The following SEMA6C variants were observed in gnomAD, a reference collection of about 807,000 sequenced individuals.
The protein encoded by SEMA6C is semaphorin-6C.
In SEMA6C, 37 loss-of-function variants were observed where a neutral mutation model predicts 72.9. The ratio of observed to expected loss-of-function variants is 0.51; its 90% confidence interval spans 0.39 to 0.67. SEMA6C has a LOEUF of 0.67. SEMA6C is among the 30% of genes least tolerant of loss of function. The pLI is 0.00. For synonymous variants in SEMA6C, 578 were observed against 554.1 expected, an observed-to-expected ratio of 1.04 and a Z score of -0.61; for missense variants, 1,189 against 1,263.6, an observed-to-expected ratio of 0.94 and a Z score of 0.89.
chr1:151,134,060 TG>T (rs973437460), intron 18 of SEMA6C: 101 of 1,506,450 alleles, frequency 6.7e-5, no homozygotes, highest in Non-Finnish European at 8.3e-5. Context: ...GAAGCACTGG[TG>T]GCAGAGACCA....
At position 151,138,009 on chromosome 1, in the gene SEMA6C, TTGGCGGAG is replaced by T. The variant is rs748283644; in HGVS notation, c.636_643del (p.Ser213ValfsTer2). ...ACCTCGGAGCCACTTGGAGTCATAC[TTGGCGGAG>T]CGGAGTGGGGGCTGGGGCCCAAGGC... is the stretch of plus-strand genomic sequence containing the variant. On this transcript the variant is annotated frameshift_variant, in exon 9 of 19. Transcript: ENST00000368914. LOFTEE classifies it high-confidence loss of function. 1.2e-6 allele frequency: 2 copies of T among 1,614,134 alleles called. No homozygotes were observed. The highest frequency in any genetic ancestry group is 4.5e-5 in the East Asian group (2 of 44,876).
At position 151,138,103 on chromosome 1, in the gene SEMA6C, C is replaced by T. The variant is rs1682214406; in HGVS notation, c.550G>A (p.Gly184Ser). ...TQSNVAIFAEGSLYSATAADF... is the reference protein window; with the variant it reads ...TQSNVAIFAESSLYSATAADF... ...GCAGCTGTGGCTGAGTACAGGCTGC[C>T]CTCTGGAGGGATGGGTGGAGTGGGG... The change falls in exon 9 of 19, where the codon GGC becomes AGC. Residue 184 changes from glycine (G) to serine (S), a missense_variant and splice_region_variant. By Grantham distance (56) the Gly-to-Ser change is moderately conservative. Transcript: ENST00000368914. 6.2e-7 allele frequency: 1 copy of T among 1,613,890 alleles called. No individual in the cohort carries two copies. The highest frequency in any genetic ancestry group is 1.3e-5 in the African/African-American group (1 of 75,040).
In SEMA6C at chr1:151,138,066, G is replaced by A; in HGVS notation, c.587C>T (p.Ala196Val). 3 of 1,614,182 alleles carry A rather than the reference G, an allele frequency of 1.9e-6. No individual in the cohort carries two copies. The highest frequency in any genetic ancestry group is 2.5e-6 in the Non-Finnish European group (3 of 1,180,028). Residue 196 changes from alanine to valine, a missense_variant, in exon 9 of 19, where the codon GCC becomes GTC. By Grantham distance (64) the Ala-to-Val change is moderately conservative. Coordinates refer to ENST00000368914, the MANE Select transcript of SEMA6C (RefSeq NM_030913.6). ...GCTTCTGTAAACTACAGCATCACTG[G>A]CCTGGAAATCCGCAGCTGTGGCTGA... ...LYSATAADFQ[A>V]SDAVVYRSLG...
rs1255121242 is a variant in SEMA6C at position 151,134,417 on chromosome 1, A to C, written c.1743T>G (p.Pro581=). ...QDGATGSQSG[P]GDSAYGVRRD... ...AGGACTCACCATAAGCAGAATCCCC[A>C]GGGCCAGACTGACTCCCAGTAGCTC... The change falls in exon 18 of 19, where the codon CCT becomes CCG. Residue 581 remains proline (P), a synonymous_variant. Coordinates refer to ENST00000368914, the MANE Select transcript of SEMA6C (RefSeq NM_030913.6). The C allele has an allele frequency of 1.3e-6, 2 of 1,594,688 alleles. No individual in the cohort carries two copies. Among genetic ancestry groups the C allele is most frequent in the Non-Finnish European group, 8.5e-7 (1 of 1,170,288 alleles).
intron 5 of SEMA6C, 59 bp from the exon 6 acceptor site, chr1:151,139,540 T>TG: frequency 1.9e-6 from 3 of 1,603,230 alleles, no homozygotes; most frequent in Non-Finnish European, 1.7e-6. Flanking sequence ...CCTCACATTA[T>TG]GGCTCCTTTT....
At chr1:151,137,318 C>CA (rs1380375544) in intron 10 of SEMA6C, among the ~76,000 whole-genome samples, 5 of 151,976 alleles carry the variant, frequency 3.3e-5, no homozygotes, top group African/African-American at 1.2e-4. Flanking sequence ...TGGTGGTGGG[C>CA]ACCTGTAGTC....
chr1:151,132,134 C>T lies in SEMA6C; in HGVS notation c.*350G>A, dbSNP rs1681578466. On this transcript the variant is annotated 3_prime_UTR_variant, in exon 19 of 19. Transcript: ENST00000368914. ...GTCCCAGACCCAGAAGGCCCGAGGA[C>T]TCTGGACACAGCGCGCGCGGCCCGC... 8.0e-7 allele frequency: 1 copy of T among 1,246,028 alleles called. No individual in the cohort carries two copies. The highest frequency in any genetic ancestry group is 1.5e-5 in the African/African-American group (1 of 65,648). 77.2% of individuals were successfully genotyped at this position (1,246,028 alleles called of 1,614,324 possible).
rs1681733076 is a variant in SEMA6C, at chr1:151,133,329, A to G, written c.1948T>C (p.Ser650Pro). The G allele has an allele frequency of 6.3e-7, 1 of 1,594,308 alleles. No homozygotes were observed. Among genetic ancestry groups the G allele is most frequent in the Non-Finnish European group, 8.5e-7 (1 of 1,173,224 alleles). Residue 650 changes from serine (S) to proline (P), a missense_variant, in exon 19 of 19, where the codon TCC (serine) becomes CCC (proline). Physicochemically the swap from Ser to Pro is moderately conservative, Grantham distance 74 (BLOSUM62 -1). This residue lies in a region of SEMA6C where 721 missense variants were observed against 686.2 expected (regional missense o/e 1.05). Coordinates refer to ENST00000368914, the MANE Select transcript of SEMA6C (RefSeq NM_030913.6). This position sits in a 1 kb window ranked among gnomAD's most constrained non-coding sequence, Gnocchi z 5.9. ...TGGAGCCGGGCCAAACTGCGGAGGG[A>G]GAGAGGGCGCGGGAGCCCCGGAGTC... ...IETPGLPRPL[S>P]LRSLARLHGG...
chr1:151,142,606 G>A lies in SEMA6C; in HGVS notation c.16C>T (p.His6Tyr). 6.3e-7 allele frequency: 1 copy of A among 1,586,398 alleles called. No individual in the cohort carries two copies. The highest frequency in any genetic ancestry group is 8.6e-7 in the Non-Finnish European group (1 of 1,166,492). MPRAP[H>Y]FMPLLLLLLL... ...AGCAGTAGCAGCAAGGGCATGAAGTGGGGGGCACGGGGCATCCTGTGCGGG... is the reference window on the plus strand; with the variant it reads ...AGCAGTAGCAGCAAGGGCATGAAGTAGGGGGCACGGGGCATCCTGTGCGGG... The change falls in exon 3 of 19, where the codon CAC (histidine) becomes TAC (tyrosine). Residue 6 changes from histidine to tyrosine, a missense_variant. His to Tyr is a moderately conservative substitution (Grantham distance 83). Transcript: ENST00000368914.
rs1364352883 is a variant in SEMA6C, at chr1:151,133,405, C to T, written c.1872G>A (p.Leu624=). 3.4e-5 allele frequency: 55 copies of T among 1,596,110 alleles called. No individual in the cohort carries two copies. The highest frequency in any genetic ancestry group is 4.6e-5 in the Non-Finnish European group (54 of 1,174,324). The change falls in exon 19 of 19, where the codon CTG becomes CTA. Residue 624 remains leucine (L), a synonymous_variant. Transcript: ENST00000368914. The surrounding 1 kb of genome is among the most constrained non-coding windows in gnomAD (Gnocchi z 5.9). ...GGGCGCGGCGACAAGCACAGGAGACCAGGAGGCCAGAGACTGAGGCGCCCA... is the reference window on the plus strand; with the variant it reads ...GGGCGCGGCGACAAGCACAGGAGACTAGGAGGCCAGAGACTGAGGCGCCCA... The part of the protein sequence containing the change: ...FALGASVSGL[L]VSCACRRAHR...
Position 151,133,183 on chromosome 1 carries a change from C to T in SEMA6C, c.2094G>A (p.Leu698=). 6.4e-7 allele frequency: 1 copy of T among 1,561,020 alleles called. No homozygotes were observed. ...GCTCCGGCGTGGACTCGGGGGTGGG[C>T]AGGCAGGCCAGCTCCGGCGGGGGCA... ...EGVPPPELAC[L]PTPESTPELP... is the part of the protein sequence containing the mutation. The change falls in exon 19 of 19, where the codon CTG becomes CTA. Residue 698 remains leucine (L), a synonymous_variant. Coordinates refer to ENST00000368914, the MANE Select transcript of SEMA6C (RefSeq NM_030913.6). This position sits in a 1 kb window ranked among gnomAD's most constrained non-coding sequence, Gnocchi z 5.9.
Position 151,136,141 on chromosome 1 carries a change from C to G in SEMA6C, c.1129G>C (p.Gly377Arg). The change falls in exon 13 of 19, where the codon GGG becomes CGG. Residue 377 changes from glycine to arginine, a missense_variant. Physicochemically the swap from Gly to Arg is moderately radical, Grantham distance 125 (BLOSUM62 -2). This residue lies in a region of SEMA6C where 468 missense variants were observed against 577.4 expected (regional missense o/e 0.81). Transcript: ENST00000368914. ...GAAGAGGAGAACAAGGCAGCTCCCCCTACTCCTGCACAGGATCCTGGCCTG... is the reference window on the plus strand; with the variant it reads ...GAAGAGGAGAACAAGGCAGCTCCCCGTACTCCTGCACAGGATCCTGGCCTG... Reference protein sequence around the residue: ...SPRPGSCAGVGGAALFSSSRD... With the variant: ...SPRPGSCAGVRGAALFSSSRD... 1.9e-6 allele frequency: 3 copies of G among 1,613,924 alleles called. No homozygotes were observed. Among genetic ancestry groups the G allele is most frequent in the South Asian group, 1.1e-5 (1 of 91,074 alleles).
rs368178900 is a variant in SEMA6C at position 151,137,703 on chromosome 1, C to T, written c.756+8G>A. On this transcript the variant is annotated splice_region_variant and intron_variant, in intron 10 of 18. Coordinates refer to ENST00000368914, the MANE Select transcript of SEMA6C (RefSeq NM_030913.6). Reference sequence around the variant, plus strand: ...TCCAGCTACCCACCCTGATGCCCACCTCCTTACCCTCCCCAGCCGAGCATC... The same window carrying T: ...TCCAGCTACCCACCCTGATGCCCACTTCCTTACCCTCCCCAGCCGAGCATC... The T allele has an allele frequency of 3.7e-6, 6 of 1,608,644 alleles. No homozygotes were observed. The highest frequency in any genetic ancestry group is 2.7e-5 in the African/African-American group (2 of 74,814).
rs11809979 is a variant in SEMA6C, at chr1:151,138,297, C to T, written c.547+19G>A. 5 of 1,612,476 alleles carry T rather than the reference C, an allele frequency of 3.1e-6. 1 individual carries two copies. The highest frequency in any genetic ancestry group is 3.3e-4 in the Middle Eastern group (2 of 6,060). Reference sequence around the variant, plus strand: ...TCCCTCCAGCCACATGCTTTCTTCTCACATGCCCAGTTGCACACCTGCAAA... The same window carrying T: ...TCCCTCCAGCCACATGCTTTCTTCTTACATGCCCAGTTGCACACCTGCAAA... On this transcript the variant is annotated intron_variant, in intron 8 of 18. Transcript: ENST00000368914.
chr1:151,138,517 A>G, intron 7 of SEMA6C, 111 bp from the exon 8 acceptor site: 1 of 1,419,806 alleles, frequency 7.0e-7, no homozygotes, highest in Non-Finnish European at 9.8e-7. Flanking sequence ...GGACCCTTGC[A>G]TTCTGGGCAC....
intron 2 of SEMA6C, among the ~76,000 whole-genome samples, chr1:151,143,685 C>T (rs1057378395): frequency 2.0e-5 from 3 of 152,152 alleles, no homozygotes; most frequent in African/African-American, 7.2e-5. Context: ...GGTCTCCTTC[C>T]ACCATCAGCC....
rs748979282 is a variant in SEMA6C, at chr1:151,134,618, AC to A, written c.1714+1del. The A allele has an allele frequency of 4.0e-5, 64 of 1,614,018 alleles. No homozygotes were observed. The highest frequency in any genetic ancestry group is 5.4e-5 in the Non-Finnish European group (64 of 1,180,004). ...GCAACAGCAGCTGCCTCTTCTGTTTACCTTGGCAGTCACCATGCTCCATGGA... is the reference window on the plus strand; with the variant it reads ...GCAACAGCAGCTGCCTCTTCTGTTTACTTGGCAGTCACCATGCTCCATGGA... On this transcript the variant is annotated splice_donor_variant, in intron 17 of 18. Transcript: ENST00000368914. LOFTEE classifies it high-confidence loss of function.
chr1:151,136,699 G>C, intron 11 of SEMA6C, 120 bp from the exon 12 acceptor site: 1 of 1,362,226 alleles, frequency 7.3e-7, no homozygotes, highest in Non-Finnish European at 1.0e-6. Flanking sequence ...AGGTGGGGCA[G>C]CCACTGGGTG....
chr1:151,135,840 G>C, intron 13 of SEMA6C, 76 bp from the exon 14 acceptor site: 1 of 1,550,642 alleles, frequency 6.4e-7, no homozygotes, highest in South Asian at 1.2e-5. Context: ...CAACTGCCTT[G>C]GTAGCTGTGC....
Sources: gnomAD v4.1 joint callset for allele counts (sites outside exome capture counted in the v4.1 genomes callset) on GRCh38, gnomAD v4.1.1 for gene constraint, gnomAD v4.1.1 regional missense constraint, Gnocchi (gnomAD v3.1) non-coding constraint, MANE v1.5 for transcripts, NCBI Gene and HGNC (gene_info 2026-07-23, HGNC 2026-07-21) for gene names.